Variants in ADGRD1 observed in about 807,000 individuals in gnomAD.
ADGRD1 encodes adhesion G protein-coupled receptor D1.
Under a neutral mutation model 113.4 loss-of-function variants are expected in ADGRD1, and 77 were observed. The observed-to-expected ratio is 0.68, with a 90% CI of 0.57 to 0.82. ADGRD1 has a LOEUF of 0.82. ADGRD1 is among the 40% of genes least tolerant of loss of function. ADGRD1 has a pLI of 0.00. For missense variants in ADGRD1, 1,036 were observed against 1,139.1 expected, an observed-to-expected ratio of 0.91 and a Z score of 1.30; for synonymous variants, 474 against 475.0, an observed-to-expected ratio of 1.00 and a Z score of 0.03.
Position 131,014,179 on chromosome 12 carries a change from G to GA in ADGRD1, c.1332-19dup. ...TCCCCTGCGTTTCCCATTTTGTAATGATTTCCGTCTCTTCCCAAGGATCGC... is the reference window on the plus strand; with the variant it reads ...TCCCCTGCGTTTCCCATTTTGTAATGAATTTCCGTCTCTTCCCAAGGATCGC... On this transcript the variant is annotated intron_variant, in intron 12 of 24. Coordinates refer to ENST00000261654, the MANE Select transcript of ADGRD1 (RefSeq NM_198827.5). 5 of 1,611,292 alleles carry GA rather than the reference G, an allele frequency of 3.1e-6. No homozygotes were observed. The highest frequency in any genetic ancestry group is 4.2e-6 in the Non-Finnish European group (5 of 1,178,522).
chr12:130,960,056 A>G (rs1178502249), intron 2 of ADGRD1, among the ~76,000 whole-genome samples: 2 of 152,238 alleles, frequency 1.3e-5, no homozygotes, highest in African/African-American at 4.8e-5. Flanking sequence ...CCCAGGGGAC[A>G]GCCTTATGAA....
At chr12:131,125,914 A>C (rs1043653645) in intron 20 of ADGRD1, among the ~76,000 whole-genome samples, 1 of 152,198 alleles carries the variant, frequency 6.6e-6, no homozygotes, top group African/African-American at 2.4e-5. Context: ...GAAGTGAAAA[A>C]CTAGTTGTAT....
chr12:131,035,978 T>G (rs1329419023), intron 13 of ADGRD1, among the ~76,000 whole-genome samples: 1 of 152,238 alleles, frequency 6.6e-6, no homozygotes, highest in Non-Finnish European at 1.5e-5. Flanking sequence ...ATACCACTAC[T>G]AAGGTTCTCC....
rs548561557 is a variant in ADGRD1, at chr12:131,124,969, C to T, written c.2175+4056C>T. ...GTTTTGGAAGCCAGAAGTCCAAGAT[C>T]GAGGTGTCGTCAGGGTTGGTTCTCC... On this transcript the variant is annotated intron_variant, in intron 20 of 24. Transcript: ENST00000261654. 7.2e-5 allele frequency among the ~76,000 whole-genome samples: 11 copies of T among 152,256 alleles called. No individual in the cohort carries two copies. The East Asian group carries it at 2.1e-3, about 29-fold the overall frequency.
At chr12:131,127,017 T>C (rs1950751655) in intron 20 of ADGRD1, among the ~76,000 whole-genome samples, 1 of 150,642 alleles carries the variant, frequency 6.6e-6, no homozygotes, top group Non-Finnish European at 1.5e-5. Context: ...TTGGAGGCCA[T>C]GGTGAGCCGC....
chr12:131,017,009 G>A (rs1485266516), intron 13 of ADGRD1, among the ~76,000 whole-genome samples: 1 of 152,074 alleles, frequency 6.6e-6, no homozygotes, highest in Non-Finnish European at 1.5e-5. Context: ...AAGCACAGCC[G>A]ACCACAGGGC....
intron 15 of ADGRD1, among the ~76,000 whole-genome samples, chr12:131,088,512 C>G (rs905253350): frequency 6.6e-6 from 1 of 152,204 alleles, no homozygotes; most frequent in African/African-American, 2.4e-5. Context: ...GATTTTACAT[C>G]TCAGGGTGGA....
chr12:130,974,975 G>A (rs988656370), intron 4 of ADGRD1, among the ~76,000 whole-genome samples: 29 of 152,142 alleles, frequency 1.9e-4, no homozygotes, highest in Admixed American at 5.9e-4. Context: ...AATGGGGCAA[G>A]CTTTGGAGGA....
At chr12:131,021,844 C>T (rs576356656) in intron 13 of ADGRD1, among the ~76,000 whole-genome samples, 10 of 152,226 alleles carry the variant, frequency 6.6e-5, no homozygotes, top group African/African-American at 2.4e-4. Flanking sequence ...GAATCTGGGA[C>T]CTCAGACATG....
chr12:131,009,178 G>A (rs1196839440), intron 12 of ADGRD1, among the ~76,000 whole-genome samples: 1 of 152,234 alleles, frequency 6.6e-6, no homozygotes, highest in East Asian at 1.9e-4. Flanking sequence ...TTGTGGGCCC[G>A]TGTCTCTTGC....
chr12:130,986,270 TC>T (rs1466084383), intron 5 of ADGRD1, among the ~76,000 whole-genome samples: 2 of 152,238 alleles, frequency 1.3e-5, no homozygotes, highest in Non-Finnish European at 2.9e-5. Flanking sequence ...ATTGAGTCTT[TC>T]TGTCCATGAA....
At chr12:131,132,830 G>T (rs550867753) in intron 21 of ADGRD1, among the ~76,000 whole-genome samples, 599 of 152,352 alleles carry the variant, frequency 3.9e-3, no homozygotes, top group Non-Finnish European at 5.7e-3. Flanking sequence ...CAGGGGCTTT[G>T]TGAAAAGCAG....
chr12:130,973,826 A>G (rs1317733553), intron 4 of ADGRD1, among the ~76,000 whole-genome samples: 2 of 152,002 alleles, frequency 1.3e-5, no homozygotes, highest in African/African-American at 4.8e-5. Flanking sequence ...GGTGGCTCAC[A>G]CCTGTAATCC....
At chr12:131,007,465 C>T (rs988429265) in intron 12 of ADGRD1, among the ~76,000 whole-genome samples, 7 of 152,320 alleles carry the variant, frequency 4.6e-5, no homozygotes, top group South Asian at 4.1e-4. Context: ...GAGAGGCCGG[C>T]GGGGCCTGCT....
At chr12:131,052,590 G>T (rs185797881) in intron 13 of ADGRD1, among the ~76,000 whole-genome samples, 332 of 152,236 alleles carry the variant, frequency 2.2e-3, no homozygotes, top group African/African-American at 7.4e-3. Context: ...GCAGTCGGGG[G>T]GGCATAAAAT....
intron 8 of ADGRD1, among the ~76,000 whole-genome samples, chr12:130,999,678 G>C (rs1481702959): frequency 6.6e-6 from 1 of 152,182 alleles, no homozygotes; most frequent in Non-Finnish European, 1.5e-5. Context: ...GAGCGTATGA[G>C]GCAGTGGGGA....
intron 13 of ADGRD1, among the ~76,000 whole-genome samples, chr12:131,073,829 G>A (rs1040500524): frequency 6.6e-6 from 1 of 152,166 alleles, no homozygotes; most frequent in African/African-American, 2.4e-5. Context: ...CTAATTTCAT[G>A]AGAACAAATT....
chr12:131,138,319 G>T (rs1232921910), intron 24 of ADGRD1, 90 bp downstream of exon 24: 7 of 1,016,622 alleles, frequency 6.9e-6, no homozygotes, highest in Non-Finnish European at 1.1e-5. Context: ...AGGCAGCAGA[G>T]GTGGCTTCGG....
chr12:131,052,139 G>A (rs561633923), intron 13 of ADGRD1, among the ~76,000 whole-genome samples: 1 of 152,342 alleles, frequency 6.6e-6, no homozygotes, highest in East Asian at 1.9e-4. Context: ...GTCCTGGAGA[G>A]AAGGGCTTGC....
Sources: gnomAD v4.1 joint callset for allele counts (sites outside exome capture counted in the v4.1 genomes callset) on GRCh38, gnomAD v4.1.1 for gene constraint, MANE v1.5 for transcripts, NCBI Gene and HGNC (gene_info 2026-07-23, HGNC 2026-07-21) for gene names.